The following ROBO1 variants were observed in gnomAD, a reference collection of about 807,000 sequenced individuals.
ROBO1 encodes roundabout homolog 1.
Under a neutral mutation model 195.9 loss-of-function variants are expected in ROBO1, and 149 were observed. The observed-to-expected ratio is 0.76, with a 90% CI of 0.67 to 0.87. The LOEUF is 0.87. Among genes scored for constraint, ROBO1 ranks in the 40% least tolerant of loss-of-function variants. The pLI, the probability that ROBO1 is intolerant of heterozygous loss-of-function variation, is 0.00. For synonymous variants in ROBO1, 816 were observed against 733.2 expected (o/e 1.11, Z -1.82); for missense variants, 1,933 against 2,068.3 (o/e 0.93, Z 1.27).
chr3:78,863,537 G>T (rs564362801), intron 4 of ROBO1, among the ~76,000 whole-genome samples: 1 of 152,228 alleles, frequency 6.6e-6, no homozygotes, highest in South Asian at 2.1e-4. Context: ...GGTTGGGGAA[G>T]GTAATCTCCC....
intron 4 of ROBO1, among the ~76,000 whole-genome samples, chr3:78,862,611 G>A (rs982094883): frequency 2.6e-5 from 4 of 152,344 alleles, no homozygotes; most frequent in Admixed American, 1.3e-4. Flanking sequence ...TGTCAAGGAT[G>A]TGAGGATCTG....
intron 2 of ROBO1, among the ~76,000 whole-genome samples, chr3:79,204,886 G>A (rs577994093): frequency 2.0e-5 from 3 of 151,754 alleles, no homozygotes; most frequent in South Asian, 2.1e-4. Context: ...TTGCGGTTAC[G>A]TCTTTTTTTG....
chr3:79,612,636 A>C (rs1222040750), intron 1 of ROBO1, among the ~76,000 whole-genome samples: 1 of 146,334 alleles, frequency 6.8e-6, no homozygotes, highest in Non-Finnish European at 1.5e-5. Flanking sequence ...ACTAGTTTAC[A>C]GTCCCACCAA....
At chr3:79,341,527 G>A (rs377096299) in intron 2 of ROBO1, among the ~76,000 whole-genome samples, 2 of 151,464 alleles carry the variant, frequency 1.3e-5, no homozygotes, top group African/African-American at 2.4e-5. Context: ...TACAGATCGG[G>A]TGGGAGGTGT....
chr3:79,585,351 A>T (rs1053676174), intron 2 of ROBO1, among the ~76,000 whole-genome samples: 3 of 152,036 alleles, frequency 2.0e-5, no homozygotes, highest in African/African-American at 7.2e-5. Flanking sequence ...TGAATTTTGT[A>T]AAGTCACTTT....
At chr3:79,300,170 G>A (rs987476713) in intron 2 of ROBO1, among the ~76,000 whole-genome samples, 3 of 152,170 alleles carry the variant, frequency 2.0e-5, no homozygotes, top group African/African-American at 7.2e-5. Context: ...CCCCTTCCTG[G>A]GCTGGCCAAG....
chr3:79,209,137 T>G (rs1298765827), intron 2 of ROBO1, among the ~76,000 whole-genome samples: 1 of 152,144 alleles, frequency 6.6e-6, no homozygotes, highest in East Asian at 1.9e-4. Flanking sequence ...GTACCCAATA[T>G]GTAGTCTTTT....
rs770061383 is a variant in ROBO1 at position 78,670,252 on chromosome 3, C to A, written c.1392G>T (p.Gln464His). Residue 464 changes from glutamine to histidine, a missense_variant, in exon 11 of 31, where the codon CAG becomes CAT. Transcript: ENST00000464233. ...CGAAAGTGCCATCCACGGCTACAGTCTGATTCACAGGACCTTGTCGAATAA... is the reference window on the plus strand; with the variant it reads ...CGAAAGTGCCATCCACGGCTACAGTATGATTCACAGGACCTTGTCGAATAA... ...PPVIRQGPVN[Q>H]TVAVDGTFVL... The A allele has an allele frequency of 2.5e-6, 4 of 1,591,012 alleles. No individual in the cohort carries two copies. Among genetic ancestry groups the A allele is most frequent in the Non-Finnish European group, 3.4e-6 (4 of 1,167,728 alleles).
At chr3:78,626,487 T>C (rs1704788559) in intron 26 of ROBO1, among the ~76,000 whole-genome samples, 1 of 152,128 alleles carries the variant, frequency 6.6e-6, no homozygotes, top group African/African-American at 2.4e-5. Flanking sequence ...CATTCGAGAA[T>C]ATCAAAGGAA....
At chr3:78,769,617 GGT>G (rs143903767) in intron 4 of ROBO1, among the ~76,000 whole-genome samples, 29,153 of 72,150 alleles carry the variant, frequency 0.4, 3,577 homozygotes, top group East Asian at 0.56. Flanking sequence ...AGTGTACTTT[GGT>G]TTTTTTTTTT....
chr3:78,882,709 T>C (rs1206450513), intron 4 of ROBO1, among the ~76,000 whole-genome samples: 1 of 152,152 alleles, frequency 6.6e-6, no homozygotes, highest in African/African-American at 2.4e-5. Flanking sequence ...AATGTGTCCC[T>C]GTCATTTATA....
chr3:79,283,620 ACT>A lies in ROBO1; in HGVS notation c.89-158083_89-158082del, dbSNP rs1171047586. On this transcript the variant is annotated intron_variant, in intron 2 of 30. Coordinates refer to ENST00000464233, the MANE Select transcript of ROBO1 (RefSeq NM_002941.4). The stretch of plus-strand genomic sequence containing the variant: ...CCCCATATTCCTACTCAATCTGCTA[ACT>A]CTGTGTAAGCATTCTATTCACTTTC... Among the ~76,000 whole-genome samples, 4 of 152,230 alleles carry A rather than the reference ACT, an allele frequency of 2.6e-5. No individual in the cohort carries two copies. In the South Asian group the frequency reaches 6.2e-4, roughly 24 times the overall value.
intron 4 of ROBO1, among the ~76,000 whole-genome samples, chr3:78,874,723 T>A (rs1273536421): frequency 1.3e-5 from 2 of 151,920 alleles, no homozygotes; most frequent in Non-Finnish European, 1.5e-5. Context: ...GTTTTACTAT[T>A]AGCATCAACC....
chr3:78,854,359 T>C (rs2034274640), intron 4 of ROBO1, among the ~76,000 whole-genome samples: 1 of 148,540 alleles, frequency 6.7e-6, no homozygotes. Flanking sequence ...ATGTTGTATA[T>C]AAAAATATAA....
At chr3:79,678,427 C>T (rs1946848320) in intron 1 of ROBO1, among the ~76,000 whole-genome samples, 2 of 151,882 alleles carry the variant, frequency 1.3e-5, no homozygotes, top group Non-Finnish European at 1.5e-5. Context: ...CTGTCACTTT[C>T]TTATCTTTTC....
At chr3:79,113,775 A>C (rs1358865210) in intron 3 of ROBO1, among the ~76,000 whole-genome samples, 3 of 152,152 alleles carry the variant, frequency 2.0e-5, no homozygotes, top group African/African-American at 7.2e-5. Flanking sequence ...CTCAAAAAAA[A>C]GTCAATTTTA....
At chr3:79,087,506 TCTTC>T (rs759788800) in intron 3 of ROBO1, among the ~76,000 whole-genome samples, 153 of 151,852 alleles carry the variant, frequency 1.0e-3, no homozygotes, top group Middle Eastern at 3.4e-3. Context: ...AGCTTCTTTC[TCTTC>T]CTTCCTTCCT....
At chr3:79,160,302 C>T (rs899056989) in intron 2 of ROBO1, among the ~76,000 whole-genome samples, 1 of 150,648 alleles carries the variant, frequency 6.6e-6, no homozygotes, top group African/African-American at 2.4e-5. Context: ...TCAATAAGGT[C>T]TGTTAATTGA....
chr3:78,970,938 A>T (rs2076751255), intron 3 of ROBO1, among the ~76,000 whole-genome samples: 2 of 152,182 alleles, frequency 1.3e-5, no homozygotes, highest in Admixed American at 1.3e-4. Flanking sequence ...GCAAAAAAAA[A>T]AAAAGTCACT....
Sources: gnomAD v4.1 joint callset for allele counts (sites outside exome capture counted in the v4.1 genomes callset) on GRCh38, gnomAD v4.1.1 for gene constraint, MANE v1.5 for transcripts, NCBI Gene and HGNC (gene_info 2026-07-23, HGNC 2026-07-21) for gene names.